HDAC4: variants seen among roughly 807,000 people sequenced by gnomAD.
The protein encoded by HDAC4 is histone deacetylase 4.
In HDAC4, 16 loss-of-function variants were observed where a neutral mutation model predicts 135.1. The observed-to-expected ratio is 0.12, with a 90% CI of 0.08 to 0.18. The LOEUF (loss-of-function observed/expected upper bound fraction) is 0.18. Ranked by LOEUF, HDAC4 falls within the 10% of genes least tolerant of loss-of-function variation. HDAC4 has a pLI of 1.00. For synonymous variants in HDAC4, 685 were observed against 653.4 expected (o/e 1.05, Z -0.74); for missense variants, 1,143 against 1,511.8 (o/e 0.76, Z 4.05).
At chr2:239,257,242 A>C (rs1035373185) in intron 2 of HDAC4, among the ~76,000 whole-genome samples, 1 of 149,566 alleles carries the variant, frequency 6.7e-6, no homozygotes, top group African/African-American at 2.4e-5. Context: ...CACAAGTGCA[A>C]AAAAAAAAAG....
At chr2:239,174,759 A>G (rs913045664) in intron 5 of HDAC4, among the ~76,000 whole-genome samples, 2 of 152,238 alleles carry the variant, frequency 1.3e-5, no homozygotes, top group Non-Finnish European at 2.9e-5. Context: ...AAATGACTAC[A>G]TTGGTGCATT....
chr2:239,400,812 G>A lies in HDAC4; in HGVS notation c.-220+166C>T, dbSNP rs1450366624. ...GCTCGGGCGGCGACAGCCGGGACGCGGCCACGGCGCCGCCGGGGGCCCAGG... is the reference window on the plus strand; with the variant it reads ...GCTCGGGCGGCGACAGCCGGGACGCAGCCACGGCGCCGCCGGGGGCCCAGG... On this transcript the variant is annotated intron_variant, in intron 1 of 26. Transcript: ENST00000543185. This position sits in a 1 kb window ranked among gnomAD's most constrained non-coding sequence, Gnocchi z 4.7. 2 of 145,570 alleles carry A rather than the reference G, an allele frequency of 1.4e-5. No homozygotes were observed. Among genetic ancestry groups the A allele is most frequent in the Non-Finnish European group, 1.5e-5 (1 of 65,274 alleles). 9.0% of individuals were successfully genotyped at this position (145,570 alleles called of 1,614,324 possible).
chr2:239,299,205 C>A lies in HDAC4; in HGVS notation c.22+53473G>T, dbSNP rs1007453963. Among the ~76,000 whole-genome samples the A allele has an allele frequency of 2.6e-5, 4 of 152,144 alleles. No individual in the cohort carries two copies. Among genetic ancestry groups the A allele is most frequent in the Admixed American group, 2.6e-4 (4 of 15,274 alleles). On this transcript the variant is annotated intron_variant, in intron 2 of 26. Coordinates refer to ENST00000543185, the MANE Select transcript of HDAC4 (RefSeq NM_001378414.1). This position sits in a 1 kb window ranked among gnomAD's most constrained non-coding sequence, Gnocchi z 4.0. ...TATTCCAAATATCCAAAACCTGGAA[C>A]TGGGGGCAGCCTGCCACCATGAATA...
intron 3 of HDAC4, among the ~76,000 whole-genome samples, chr2:239,217,588 C>T (rs2046711733): frequency 6.6e-6 from 1 of 152,166 alleles, no homozygotes; most frequent in African/African-American, 2.4e-5. Flanking sequence ...GGGCTACTCT[C>T]TCACATCGTC....
intron 6 of HDAC4, among the ~76,000 whole-genome samples, chr2:239,158,376 A>AT (rs2042557634): frequency 6.6e-6 from 1 of 152,230 alleles, no homozygotes. Context: ...CAGTATTTAC[A>AT]TAATAATAAA....
At chr2:239,357,701 T>C (rs898842013) in intron 1 of HDAC4, among the ~76,000 whole-genome samples, 1 of 150,448 alleles carries the variant, frequency 6.6e-6, no homozygotes, top group Non-Finnish European at 1.5e-5. Flanking sequence ...CTGGGCAACA[T>C]TGTGAAACCC....
At chr2:239,202,633 C>T (rs1473395924) in intron 3 of HDAC4, among the ~76,000 whole-genome samples, 1 of 152,092 alleles carries the variant, frequency 6.6e-6, no homozygotes, top group East Asian at 1.9e-4. Context: ...ATCACAGGGA[C>T]AGGATGCACC....
Position 239,141,755 on chromosome 2 carries a change from C to T in HDAC4, c.866-1959G>A, listed in dbSNP as rs143242067. Among the ~76,000 whole-genome samples, 41 of 152,308 alleles carry T rather than the reference C, an allele frequency of 2.7e-4. No individual in the cohort carries two copies. Among genetic ancestry groups the T allele is most frequent in the African/African-American group, 9.1e-4 (38 of 41,568 alleles). ...CTGTGTCGTCAGATAAATACCCTCA[C>T]GCATGTGCCTGGGGAGTCCGGACAA... is the stretch of plus-strand genomic sequence containing the variant. On this transcript the variant is annotated intron_variant, in intron 8 of 26. Coordinates refer to ENST00000543185, the MANE Select transcript of HDAC4 (RefSeq NM_001378414.1). The surrounding 1 kb of genome is among the most constrained non-coding windows in gnomAD (Gnocchi z 4.9).
At chr2:239,144,546 G>C (rs775871344) in intron 8 of HDAC4, 37 bp downstream of exon 8, 59 of 1,612,124 alleles carry the variant, frequency 3.7e-5, no homozygotes, top group Non-Finnish European at 4.4e-5. Context: ...CTGGCAGAGA[G>C]GGCAGCGGGG....
At chr2:239,373,412 G>C (rs1026824682) in intron 1 of HDAC4, among the ~76,000 whole-genome samples, 1 of 152,178 alleles carries the variant, frequency 6.6e-6, no homozygotes, top group Non-Finnish European at 1.5e-5. Flanking sequence ...ATTTTCTAAT[G>C]TTGGTCTTTC....
intron 22 of HDAC4, among the ~76,000 whole-genome samples, chr2:239,072,799 C>T (rs1023489724): frequency 6.6e-6 from 1 of 152,242 alleles, no homozygotes; most frequent in Admixed American, 6.5e-5. Context: ...AATGTGACCC[C>T]TTTTCGGGGA....
At chr2:239,344,102 T>C (rs1346387100) in intron 2 of HDAC4, among the ~76,000 whole-genome samples, 1 of 152,174 alleles carries the variant, frequency 6.6e-6, no homozygotes, top group Non-Finnish European at 1.5e-5. Flanking sequence ...AGACCTTTGA[T>C]GGCAGTAGCT....
intron 1 of HDAC4, among the ~76,000 whole-genome samples, chr2:239,369,288 A>G (rs886597157): frequency 3.9e-5 from 6 of 151,938 alleles, no homozygotes; most frequent in African/African-American, 1.5e-4. Flanking sequence ...CAATAAATGG[A>G]CGTCTGGACC....
intron 2 of HDAC4, among the ~76,000 whole-genome samples, chr2:239,341,938 T>C (rs1692323626): frequency 6.6e-6 from 1 of 152,112 alleles, no homozygotes; most frequent in Non-Finnish European, 1.5e-5. Context: ...GCCCTTATTA[T>C]AGAGGTTCAA....
chr2:239,338,980 A>T (rs1289509476), intron 2 of HDAC4, among the ~76,000 whole-genome samples: 1 of 152,238 alleles, frequency 6.6e-6, no homozygotes, highest in Non-Finnish European at 1.5e-5. Flanking sequence ...ATCCAAAGAA[A>T]CTGTGAAGGC....
chr2:239,350,744 T>C (rs1335317661), intron 2 of HDAC4, among the ~76,000 whole-genome samples: 2 of 152,222 alleles, frequency 1.3e-5, no homozygotes, highest in African/African-American at 2.4e-5. Context: ...CCTTGTGATC[T>C]GCCCACCCTG....
chr2:239,281,486 TCTACAATGTACACACCATG>T (rs2050745994), intron 2 of HDAC4, among the ~76,000 whole-genome samples: 1 of 132,274 alleles, frequency 7.6e-6, no homozygotes, highest in African/African-American at 3.3e-5. Context: ...TACACACCAC[TCTACAATGTACACACCATG>T]CTACAATGAA....
At position 239,387,618 on chromosome 2, in the gene HDAC4, C is replaced by T. The variant is rs534418492; in HGVS notation, c.-220+13360G>A. Among the ~76,000 whole-genome samples, 6 of 152,306 alleles carry T rather than the reference C, an allele frequency of 3.9e-5. No homozygotes were observed. In the South Asian group the frequency reaches 6.2e-4, roughly 16 times the overall value. On this transcript the variant is annotated intron_variant, in intron 1 of 26. Transcript: ENST00000543185. ...TGTGCCCCAGCTGACAGGGACAATACGCTTTATACCCAAAACAATTCAGCC... is the reference window on the plus strand; with the variant it reads ...TGTGCCCCAGCTGACAGGGACAATATGCTTTATACCCAAAACAATTCAGCC...
At chr2:239,186,502 A>C (rs2044558825) in intron 4 of HDAC4, 1 of 152,248 alleles carries the variant, frequency 6.6e-6, no homozygotes, top group Non-Finnish European at 1.5e-5. Flanking sequence ...AAATGATTAA[A>C]ATGCAAAGAG....
Sources: gnomAD v4.1 joint callset for allele counts (sites outside exome capture counted in the v4.1 genomes callset) on GRCh38, gnomAD v4.1.1 for gene constraint, Gnocchi (gnomAD v3.1) non-coding constraint, MANE v1.5 for transcripts, NCBI Gene and HGNC (gene_info 2026-07-23, HGNC 2026-07-21) for gene names.